MAGI1: variants seen among roughly 807,000 people sequenced by gnomAD.
MAGI1 encodes membrane-associated guanylate kinase, WW and PDZ domain-containing protein 1.
A neutral mutation model predicts 139.9 loss-of-function variants in MAGI1; 58 were observed. The ratio of observed to expected loss-of-function variants is 0.41; its 90% CI spans 0.34 to 0.52. MAGI1 has a LOEUF of 0.52. Ranked by LOEUF, MAGI1 falls within the 20% of genes least tolerant of loss-of-function variation. The pLI is 0.12. For missense variants in MAGI1, 1,874 were observed against 1,901.6 expected (o/e 0.99, Z 0.27); for synonymous variants, 812 against 737.9 (o/e 1.10, Z -1.63).
intron 3 of MAGI1, among the ~76,000 whole-genome samples, chr3:65,489,752 T>C (rs561556509): frequency 1.3e-5 from 2 of 152,334 alleles, no homozygotes; most frequent in East Asian, 1.9e-4. Flanking sequence ...GATATACATA[T>C]ATGTTGTGTA....
chr3:65,366,731 A>C (rs1941450634), intron 18 of MAGI1, among the ~76,000 whole-genome samples: 1 of 152,250 alleles, frequency 6.6e-6, no homozygotes, highest in Non-Finnish European at 1.5e-5. Context: ...AGATGATCCA[A>C]GAAGATTGTT....
intron 3 of MAGI1, among the ~76,000 whole-genome samples, chr3:65,481,468 A>G (rs1055747512): frequency 6.6e-6 from 1 of 152,220 alleles, no homozygotes; most frequent in Non-Finnish European, 1.5e-5. Context: ...AATAATCTGC[A>G]TAGTGAGAAA....
intron 1 of MAGI1, among the ~76,000 whole-genome samples, chr3:65,788,153 A>G (rs2039521946): frequency 6.6e-6 from 1 of 152,240 alleles, no homozygotes; most frequent in African/African-American, 2.4e-5. Context: ...AACAATGATG[A>G]AAAAATCTCC....
intron 1 of MAGI1, among the ~76,000 whole-genome samples, chr3:65,869,719 T>C (rs2059871444): frequency 6.6e-6 from 1 of 152,114 alleles, no homozygotes; most frequent in Non-Finnish European, 1.5e-5. Context: ...TTTTAACTGA[T>C]GTATTCCAAG....
chr3:65,708,367 C>T (rs1026513469), intron 1 of MAGI1, among the ~76,000 whole-genome samples: 1 of 147,612 alleles, frequency 6.8e-6, no homozygotes, highest in African/African-American at 2.6e-5. Flanking sequence ...TCTTCTGTGC[C>T]TGAGGAAGAG....
intron 1 of MAGI1, among the ~76,000 whole-genome samples, chr3:65,636,834 G>A (rs1421605939): frequency 4.6e-5 from 7 of 152,158 alleles, no homozygotes; most frequent in Non-Finnish European, 1.0e-4. Flanking sequence ...AAAAATCCTG[G>A]CACTTGCCAT....
intron 1 of MAGI1, among the ~76,000 whole-genome samples, chr3:65,990,211 G>C (rs773187988): frequency 1.1e-4 from 16 of 152,120 alleles, no homozygotes; most frequent in Non-Finnish European, 1.9e-4. Flanking sequence ...CCACGGCAAG[G>C]TGCGGGATCA....
chr3:65,654,136 T>C (rs747614190), intron 1 of MAGI1, among the ~76,000 whole-genome samples: 7 of 152,188 alleles, frequency 4.6e-5, no homozygotes. Context: ...TATTAATATA[T>C]GGACCTAGAT....
In MAGI1 at chr3:65,509,355, G is replaced by A. The variant is rs138069146; in HGVS notation, c.431-15724C>T. On this transcript the variant is annotated intron_variant, in intron 2 of 22. Coordinates refer to ENST00000402939, the MANE Select transcript of MAGI1 (RefSeq NM_001033057.2). The stretch of plus-strand genomic sequence containing the variant: ...GTCTACAGCTCCCAGCGTGAGCGAC[G>A]CAGAAGACGGGTGATTTCTGCGTTT... Among the ~76,000 whole-genome samples the A allele has an allele frequency of 8.8e-3, 1,346 of 152,288 alleles. 9 individuals are homozygous for A. The highest frequency in any genetic ancestry group is 0.013 in the Non-Finnish European group (861 of 68,026).
intron 10 of MAGI1, among the ~76,000 whole-genome samples, chr3:65,435,913 G>C (rs924013951): frequency 6.6e-6 from 1 of 152,078 alleles, no homozygotes; most frequent in African/African-American, 2.4e-5. Context: ...GAACTGAAAG[G>C]AGGCTAACTT....
At chr3:65,953,345 C>T (rs1224886244) in intron 1 of MAGI1, among the ~76,000 whole-genome samples, 2 of 152,182 alleles carry the variant, frequency 1.3e-5, no homozygotes, top group East Asian at 3.9e-4. Context: ...CTCAGGGCAG[C>T]TAATGCTGGG....
intron 1 of MAGI1, among the ~76,000 whole-genome samples, chr3:65,637,552 CAA>C (rs1371880587): frequency 1.1e-5 from 1 of 87,790 alleles, no homozygotes; most frequent in African/African-American, 4.7e-5. Flanking sequence ...ACCCTGTCTC[CAA>C]AAAAAGAAAG....
At chr3:65,773,848 T>C (rs2107958920) in intron 1 of MAGI1, among the ~76,000 whole-genome samples, 1 of 152,258 alleles carries the variant, frequency 6.6e-6, no homozygotes, top group Non-Finnish European at 1.5e-5. Flanking sequence ...TAATTCGATA[T>C]AAAGATTAAA....
chr3:65,808,626 C>T (rs1457981711), intron 1 of MAGI1, among the ~76,000 whole-genome samples: 1 of 152,220 alleles, frequency 6.6e-6, no homozygotes, highest in Non-Finnish European at 1.5e-5. Context: ...AGCCAGCACG[C>T]TCTCAGCAGG....
chr3:65,472,522 TA>T (rs1345559934), intron 4 of MAGI1, among the ~76,000 whole-genome samples: 3 of 152,210 alleles, frequency 2.0e-5, no homozygotes, highest in Non-Finnish European at 4.4e-5. Flanking sequence ...ACCAATTGTT[TA>T]AAAAGTTCTA....
chr3:65,568,202 T>C (rs1297631074), intron 2 of MAGI1, among the ~76,000 whole-genome samples: 1 of 152,206 alleles, frequency 6.6e-6, no homozygotes, highest in African/African-American at 2.4e-5. Context: ...AAGGCACTTG[T>C]TGATAGTGAA....
At chr3:65,661,807 G>T (rs1462038192) in intron 1 of MAGI1, among the ~76,000 whole-genome samples, 1 of 140,492 alleles carries the variant, frequency 7.1e-6, no homozygotes, top group Non-Finnish European at 1.5e-5. Flanking sequence ...GAGTGCAGTG[G>T]CGAGATCATG....
chr3:65,867,674 G>C (rs887033730), intron 1 of MAGI1, among the ~76,000 whole-genome samples: 5 of 152,126 alleles, frequency 3.3e-5, no homozygotes, highest in Non-Finnish European at 7.3e-5. Context: ...AATTACATGA[G>C]CCTAGAAGTG....
At chr3:65,523,441 G>C (rs1031771808) in intron 2 of MAGI1, among the ~76,000 whole-genome samples, 1 of 151,814 alleles carries the variant, frequency 6.6e-6, no homozygotes, top group African/African-American at 2.4e-5. Context: ...GGGAGGCAAG[G>C]GGTGGGGGAG....
Sources: allele counts gnomAD v4.1 joint callset (sites outside exome capture counted in the v4.1 genomes callset), GRCh38; gene constraint gnomAD v4.1.1; transcripts MANE v1.5; gene names NCBI Gene and HGNC (gene_info 2026-07-23, HGNC 2026-07-21).